Variants in SRP54 observed in about 807,000 individuals in gnomAD.
SRP54 encodes the protein signal recognition particle 54.
SRP54 carries 10 observed loss-of-function variants against 64.8 expected under a neutral mutation model. The observed-to-expected ratio is 0.15, with a 90% CI of 0.10 to 0.26. SRP54 has a LOEUF of 0.26. Ranked by LOEUF, SRP54 falls within the 10% of genes least tolerant of loss-of-function variation. The pLI is 1.00. For missense variants in SRP54, 325 were observed against 613.7 expected (o/e 0.53, Z 4.97); for synonymous variants, 193 against 185.6 (o/e 1.04, Z -0.32).
At chr14:35,027,266 G>A (rs980955416) in intron 14 of SRP54, among the ~76,000 whole-genome samples, 1 of 151,578 alleles carries the variant, frequency 6.6e-6, no homozygotes, top group African/African-American at 2.4e-5. Flanking sequence ...CTGACCTCAA[G>A]TGATCTGCCA....
At chr14:34,984,812 T>C (rs549929288) in intron 1 of SRP54, among the ~76,000 whole-genome samples, 1 of 152,202 alleles carries the variant, frequency 6.6e-6, no homozygotes, top group South Asian at 2.1e-4. Flanking sequence ...TAAACCTTAT[T>C]CTTTAGCCTC....
In SRP54 at chr14:35,022,925, A is replaced by G. The variant is rs1397088670; in HGVS notation, c.1172A>G (p.Asp391Gly). The change falls in exon 14 of 16, where the codon GAT becomes GGT. Residue 391 changes from aspartate (D) to glycine (G), a missense_variant. Physicochemically the swap from Asp to Gly is moderately conservative, Grantham distance 94. This residue lies in a region of SRP54 where 146 missense variants were observed against 337.4 expected (regional missense o/e 0.43). Transcript: ENST00000216774. ...TTGTCTACAGAACTAGACAGTACGG[A>G]TGGTGCCAAAGTTTTTAGTAAACAA... ...SMNDQELDSTDGAKVFSKQPG... is the reference protein window; with the variant it reads ...SMNDQELDSTGGAKVFSKQPG... The G allele has an allele frequency of 1.2e-6, 2 of 1,613,684 alleles. No homozygotes were observed. Among genetic ancestry groups the G allele is most frequent in the Admixed American group, 3.3e-5 (2 of 59,930 alleles).
rs1240480450 is a variant in SRP54, at chr14:35,029,282, C to G, written c.*130C>G. 3.6e-6 allele frequency: 2 copies of G among 562,206 alleles called. No homozygotes were observed. Among genetic ancestry groups the G allele is most frequent in the Non-Finnish European group, 6.0e-6 (2 of 332,746 alleles). The allele number at this position is 562,206 out of a possible 1,614,324, so 34.8% of individuals were successfully genotyped here. ...TTATCATGCACTCTTTCCTTTTCTT[C>G]TCGCCCGCTTTTCCCCTCCTTTTCT... is the stretch of plus-strand genomic sequence containing the variant. On this transcript the variant is annotated 3_prime_UTR_variant, in exon 16 of 16. Coordinates refer to ENST00000216774, the MANE Select transcript of SRP54 (RefSeq NM_003136.4).
chr14:35,016,659 T>C (rs1341399719), intron 11 of SRP54, among the ~76,000 whole-genome samples: 1 of 152,164 alleles, frequency 6.6e-6, no homozygotes, highest in African/African-American at 2.4e-5. Flanking sequence ...TTTTATATTA[T>C]TCAGCACAAT....
intron 1 of SRP54, among the ~76,000 whole-genome samples, chr14:34,984,158 G>A (rs971230883): frequency 6.6e-6 from 1 of 152,138 alleles, no homozygotes; most frequent in African/African-American, 2.4e-5. Context: ...CCTTAATATA[G>A]AGTACTATGC....
At chr14:35,022,217 C>T (rs1333235382) in intron 13 of SRP54, among the ~76,000 whole-genome samples, 1 of 151,864 alleles carries the variant, frequency 6.6e-6, no homozygotes, top group African/African-American at 2.4e-5. Flanking sequence ...AGAGGGTAGA[C>T]ATATGAAGTA....
chr14:34,998,090 A>T (rs770003214), intron 2 of SRP54, among the ~76,000 whole-genome samples: 7 of 152,298 alleles, frequency 4.6e-5, no homozygotes, highest in Non-Finnish European at 1.0e-4. Flanking sequence ...TTCGAATTTT[A>T]GCAGACCCGT....
At chr14:35,026,127 A>G (rs1481787850) in intron 14 of SRP54, among the ~76,000 whole-genome samples, 2 of 136,336 alleles carry the variant, frequency 1.5e-5, no homozygotes, top group South Asian at 2.4e-4. Context: ...GCTTTCTTTT[A>G]TGAGTACAGC....
intron 4 of SRP54, among the ~76,000 whole-genome samples, chr14:35,005,894 C>T (rs1325772634): frequency 2.0e-5 from 3 of 152,106 alleles, no homozygotes; most frequent in Admixed American, 6.5e-5. Flanking sequence ...GGCTGGAGTG[C>T]GGTGGCGCGA....
rs764423548 is a variant in SRP54, at chr14:35,008,697, A to G, written c.427+4A>G. 5.6e-6 allele frequency: 9 copies of G among 1,606,698 alleles called. No individual in the cohort carries two copies. In the African/African-American group the frequency reaches 6.7e-5, roughly 12 times the overall value. ...TGTGCAGACACATTCAGAGCAGGTA[A>G]TGTCTTGAAATTTGAAAATTGTTTT... On this transcript the variant is annotated splice_donor_region_variant and intron_variant, in intron 6 of 15. Coordinates refer to ENST00000216774, the MANE Select transcript of SRP54 (RefSeq NM_003136.4).
intron 7 of SRP54, among the ~76,000 whole-genome samples, chr14:35,010,229 C>T (rs1198941759): frequency 6.6e-6 from 1 of 151,554 alleles, no homozygotes; most frequent in Non-Finnish European, 1.5e-5. Flanking sequence ...GGGTGGATCA[C>T]CTGAGGTCGG....
At chr14:35,002,130 A>G (rs1468659656) in intron 4 of SRP54, among the ~76,000 whole-genome samples, 1 of 152,028 alleles carries the variant, frequency 6.6e-6, no homozygotes. Context: ...TGAGATGGGT[A>G]ACCACCTGAG....
chr14:34,999,140 G>T (rs1195799757), intron 2 of SRP54, among the ~76,000 whole-genome samples: 1 of 150,920 alleles, frequency 6.6e-6, no homozygotes, highest in East Asian at 2.0e-4. Context: ...TCAGCCTCCT[G>T]AGTAGCTGGG....
intron 1 of SRP54, among the ~76,000 whole-genome samples, chr14:34,985,802 C>T (rs978497681): frequency 1.3e-5 from 2 of 152,170 alleles, no homozygotes; most frequent in Non-Finnish European, 2.9e-5. Context: ...AAGCTACTCC[C>T]CCTAAAACTT....
At chr14:35,009,288 C>T (rs1041754676) in intron 7 of SRP54, among the ~76,000 whole-genome samples, 5 of 146,352 alleles carry the variant, frequency 3.4e-5, no homozygotes, top group African/African-American at 5.0e-5. Flanking sequence ...TCAAATGATC[C>T]TCCCACCTCA....
intron 2 of SRP54, chr14:34,997,004 A>G: frequency 2.5e-6 from 1 of 406,544 alleles, no homozygotes; most frequent in Non-Finnish European, 4.4e-6. Flanking sequence ...TTCCAAAAAA[A>G]AATCGAAAAA....
chr14:34,994,373 T>TA, intron 1 of SRP54, among the ~76,000 whole-genome samples: 1 of 152,316 alleles, frequency 6.6e-6, no homozygotes, highest in Non-Finnish European at 1.5e-5. Flanking sequence ...TTGACTAAAT[T>TA]AGACTACATT....
At chr14:35,005,528 G>T (rs1189208248) in intron 4 of SRP54, among the ~76,000 whole-genome samples, 1 of 151,938 alleles carries the variant, frequency 6.6e-6, no homozygotes, top group African/African-American at 2.4e-5. Flanking sequence ...TCCTTGATTA[G>T]CTGGGACCAC....
chr14:35,018,877 G>T, intron 12 of SRP54, 89 bp from the exon 13 acceptor site: 1 of 1,394,228 alleles, frequency 7.2e-7, no homozygotes, highest in South Asian at 1.2e-5. Context: ...CTAAGACTTA[G>T]TGTCAATATT....
Sources: allele counts gnomAD v4.1 joint callset (sites outside exome capture counted in the v4.1 genomes callset), GRCh38; gene constraint gnomAD v4.1.1; regional missense constraint gnomAD v4.1.1; transcripts MANE v1.5; gene names NCBI Gene and HGNC (gene_info 2026-07-23, HGNC 2026-07-21).